SLCO4C1: variants seen among roughly 807,000 people sequenced by gnomAD.
The protein encoded by SLCO4C1 is solute carrier organic anion transporter family member 4C1, also known as organic anion transporter M1.
Under a neutral mutation model 72.1 loss-of-function variants are expected in SLCO4C1, and 58 were observed. The observed-to-expected ratio is 0.80, with a 90% CI of 0.65 to 1.00. SLCO4C1 has a LOEUF of 1.00. Among genes scored for constraint, SLCO4C1 ranks in the 50% least tolerant of loss-of-function variants. The pLI is 0.00. For synonymous variants in SLCO4C1, 297 were observed against 312.5 expected (o/e 0.95, Z 0.52); for missense variants, 898 against 857.9 (o/e 1.05, Z -0.58).
At chr5:102,240,838 T>C (rs1748527063) in intron 10 of SLCO4C1, 56 bp from the exon 11 acceptor site, 1 of 1,236,960 alleles carries the variant, frequency 8.1e-7, no homozygotes, top group Non-Finnish European at 1.2e-6. Flanking sequence ...TATTCACTCT[T>C]TGAGCAAGTT....
rs1327771853 is a variant in SLCO4C1 at position 102,236,917 on chromosome 5, C to T, written c.2116G>A (p.Ala706Thr). 2 of 1,612,874 alleles carry T rather than the reference C, an allele frequency of 1.2e-6. No individual in the cohort carries two copies. Among genetic ancestry groups the T allele is most frequent in the Non-Finnish European group, 1.7e-6 (2 of 1,179,676 alleles). The change falls in exon 13 of 13, where the codon GCA becomes ACA. Residue 706 changes from alanine (A) to threonine (T), a missense_variant. By Grantham distance (58) the Ala-to-Thr change is moderately conservative. Coordinates refer to ENST00000310954, the MANE Select transcript of SLCO4C1 (RefSeq NM_180991.5). ...TCTGCTAAAACATTAGTCACAACTG[C>T]ATTCTCTTTATGAAATGACACATCT... is the stretch of plus-strand genomic sequence containing the variant. ...ATDVSFHKENAVVTNVLAEQD... is the reference protein window; with the variant it reads ...ATDVSFHKENTVVTNVLAEQD...
At chr5:102,294,747 A>G (rs1749616872) in intron 1 of SLCO4C1, among the ~76,000 whole-genome samples, 1 of 152,206 alleles carries the variant, frequency 6.6e-6, no homozygotes, top group Admixed American at 6.5e-5. Context: ...CGGACTTGCA[A>G]TCAATAAATG....
Position 102,257,306 on chromosome 5 carries a change from AGCCCCT to A in SLCO4C1, c.1274-2_1277del. ...CGAGAGCAGCTCCAGGAATTAAAAC[AGCCCCT>A]AATAAGAAAAAAGAATGTAGATTGT... is the stretch of plus-strand genomic sequence containing the variant. On this transcript the variant is annotated splice_acceptor_variant and coding_sequence_variant, in exon 8 of 13. Transcript: ENST00000310954. LOFTEE classifies it high-confidence loss of function. 6.3e-7 allele frequency: 1 copy of A among 1,585,454 alleles called. No individual in the cohort carries two copies. The highest frequency in any genetic ancestry group is 8.5e-7 in the Non-Finnish European group (1 of 1,170,184).
chr5:102,279,850 A>G (rs893738133), intron 2 of SLCO4C1, among the ~76,000 whole-genome samples: 3 of 151,984 alleles, frequency 2.0e-5, no homozygotes, highest in African/African-American at 4.8e-5. Flanking sequence ...CAGAAATCAC[A>G]TGAACAATTG....
chr5:102,256,339 T>G (rs1049987468), intron 8 of SLCO4C1, among the ~76,000 whole-genome samples: 10 of 152,244 alleles, frequency 6.6e-5, no homozygotes, highest in Non-Finnish European at 1.3e-4. Context: ...TGGCAAACTT[T>G]TCTGAGCAAA....
intron 2 of SLCO4C1, among the ~76,000 whole-genome samples, chr5:102,273,942 T>C (rs1046931552): frequency 1.3e-5 from 2 of 152,144 alleles, no homozygotes; most frequent in South Asian, 2.1e-4. Flanking sequence ...ACAGGTTCCA[T>C]ATCTGTGGAT....
chr5:102,263,630 G>T, intron 4 of SLCO4C1, 54 bp downstream of exon 4: 1 of 1,412,616 alleles, frequency 7.1e-7, no homozygotes, highest in Non-Finnish European at 1.0e-6. Flanking sequence ...CTATGATGCT[G>T]GCATAATTAA....
rs1748394068 is a variant in SLCO4C1 at position 102,234,247 on chromosome 5, T to C, written c.*2611A>G. The stretch of plus-strand genomic sequence containing the variant: ...TGTCAATTTATAAGTCAAGCTTACT[T>C]AACAATCATAAATTACAAAAAACGC... On this transcript the variant is annotated 3_prime_UTR_variant, in exon 13 of 13. Coordinates refer to ENST00000310954, the MANE Select transcript of SLCO4C1 (RefSeq NM_180991.5). 6.6e-6 allele frequency: 1 copy of C among 152,598 alleles called. No homozygotes were observed. The allele number at this position is 152,598 out of a possible 1,614,324, so 9.5% of individuals were successfully genotyped here. A position where few individuals can be genotyped will look rare whatever the true frequency, so the allele number is the denominator to read the frequency against.
At chr5:102,275,696 G>C (rs1749234830) in intron 2 of SLCO4C1, among the ~76,000 whole-genome samples, 2 of 152,136 alleles carry the variant, frequency 1.3e-5, no homozygotes, top group Non-Finnish European at 2.9e-5. Context: ...GGCAAACAAA[G>C]GCTTTGTGTG....
intron 3 of SLCO4C1, 101 bp from the exon 4 acceptor site, chr5:102,263,881 A>T: frequency 1.2e-6 from 1 of 807,692 alleles, no homozygotes; most frequent in Non-Finnish European, 2.0e-6. Context: ...AATCTAAACA[A>T]TTAAACATAT....
At chr5:102,243,982 T>C (rs1748592433) in intron 10 of SLCO4C1, among the ~76,000 whole-genome samples, 1 of 152,138 alleles carries the variant, frequency 6.6e-6, no homozygotes, top group South Asian at 2.1e-4. Context: ...GGTCAGGAGT[T>C]TGAGACTCAG....
At chr5:102,264,965 T>C (rs188179802) in intron 3 of SLCO4C1, among the ~76,000 whole-genome samples, 1 of 152,196 alleles carries the variant, frequency 6.6e-6, no homozygotes, top group Non-Finnish European at 1.5e-5. Flanking sequence ...GGATTCTTTT[T>C]TTTTTATGGC....
At chr5:102,256,850 A>G (rs1191199248) in intron 8 of SLCO4C1, among the ~76,000 whole-genome samples, 1 of 152,222 alleles carries the variant, frequency 6.6e-6, no homozygotes, top group Non-Finnish European at 1.5e-5. Flanking sequence ...CAAAAATCCT[A>G]CAGTATTAAT....
chr5:102,293,149 C>T (rs1749586536), intron 1 of SLCO4C1, among the ~76,000 whole-genome samples: 1 of 152,004 alleles, frequency 6.6e-6, no homozygotes. Flanking sequence ...TTTCATAAGA[C>T]TATAAGCCAA....
intron 1 of SLCO4C1, among the ~76,000 whole-genome samples, chr5:102,291,822 T>C (rs1192402930): frequency 6.6e-6 from 1 of 152,042 alleles, no homozygotes; most frequent in Non-Finnish European, 1.5e-5. Flanking sequence ...ATTTTTATTT[T>C]ATTTATTTAT....
At chr5:102,244,484 A>G (rs1257257589) in intron 10 of SLCO4C1, among the ~76,000 whole-genome samples, 1 of 152,174 alleles carries the variant, frequency 6.6e-6, no homozygotes, top group East Asian at 1.9e-4. Flanking sequence ...TCAAAAAGAT[A>G]ATAACAGAGA....
rs190803883 is a variant in SLCO4C1 at position 102,292,795 on chromosome 5, T to A, written c.356-1189A>T. Among the ~76,000 whole-genome samples, 265 of 152,208 alleles carry A rather than the reference T, an allele frequency of 1.7e-3. 4 individuals carry two copies. The highest frequency in any genetic ancestry group is 6.1e-3 in the African/African-American group (255 of 41,572). On this transcript the variant is annotated intron_variant, in intron 1 of 12. Transcript: ENST00000310954. ...AAACATAACTATAAATTGAAAATTT[T>A]AAAAATCTGATTGAATTAACTAGAG... is the stretch of plus-strand genomic sequence containing the variant.
intron 8 of SLCO4C1, among the ~76,000 whole-genome samples, chr5:102,252,573 G>A (rs1351819739): frequency 6.6e-6 from 1 of 152,064 alleles, no homozygotes; most frequent in Non-Finnish European, 1.5e-5. Flanking sequence ...AACCATCCCT[G>A]CAACTCTAGA....
At position 102,246,396 on chromosome 5, in the gene SLCO4C1, CA is replaced by C. The variant is rs201129894; in HGVS notation, c.1811+855del. On this transcript the variant is annotated intron_variant, in intron 10 of 12. Coordinates refer to ENST00000310954, the MANE Select transcript of SLCO4C1 (RefSeq NM_180991.5). ...AACAATATGCCAATAATTGGAAAATCAAGAAGAAATGGACAAATTCCTAGAT... is the reference window on the plus strand; with the variant it reads ...AACAATATGCCAATAATTGGAAAATCAGAAGAAATGGACAAATTCCTAGAT... Among the ~76,000 whole-genome samples, 669 of 152,074 alleles carry C rather than the reference CA, an allele frequency of 4.4e-3. 4 individuals carry two copies. Among genetic ancestry groups the C allele is most frequent in the African/African-American group, 0.015 (636 of 41,516 alleles).
Sources: allele counts gnomAD v4.1 joint callset (sites outside exome capture counted in the v4.1 genomes callset), GRCh38; gene constraint gnomAD v4.1.1; transcripts MANE v1.5; gene names NCBI Gene and HGNC (gene_info 2026-07-23, HGNC 2026-07-21).